Variants in SH3GL2 observed in about 807,000 individuals in gnomAD.
SH3GL2 encodes the protein endophilin-A1.
In SH3GL2, 24 loss-of-function variants were observed where a neutral mutation model predicts 46.0. The ratio of observed to expected loss-of-function variants is 0.52; its 90% CI spans 0.38 to 0.73. SH3GL2 has a LOEUF of 0.73. SH3GL2 is among the 30% of genes least tolerant of loss of function. SH3GL2 has a pLI of 0.00. For missense variants in SH3GL2, 413 were observed against 424.2 expected, an observed-to-expected ratio of 0.97 and a Z score of 0.23; for synonymous variants, 196 against 147.1, an observed-to-expected ratio of 1.33 and a Z score of -2.40.
At chr9:17,752,092 C>T (rs546354611) in intron 2 of SH3GL2, among the ~76,000 whole-genome samples, 6 of 152,156 alleles carry the variant, frequency 3.9e-5, no homozygotes, top group Non-Finnish European at 8.8e-5. Context: ...TTTTTTAACA[C>T]GTTGTTTGTC....
At chr9:17,733,143 C>T (rs926126211) in intron 1 of SH3GL2, among the ~76,000 whole-genome samples, 7 of 152,226 alleles carry the variant, frequency 4.6e-5, no homozygotes, top group African/African-American at 1.7e-4. Flanking sequence ...CCTCCTCTTT[C>T]CTACAACCCT....
intron 3 of SH3GL2, among the ~76,000 whole-genome samples, chr9:17,777,331 T>C (rs1043240421): frequency 5.3e-5 from 8 of 151,646 alleles, no homozygotes; most frequent in African/African-American, 1.9e-4. Context: ...AAATGAAAAT[T>C]ATGTAATAAT....
chr9:17,727,476 T>A (rs908756722), intron 1 of SH3GL2, among the ~76,000 whole-genome samples: 2 of 152,202 alleles, frequency 1.3e-5, no homozygotes, highest in African/African-American at 2.4e-5. Flanking sequence ...GCAGTACAGA[T>A]GATCTGTGTG....
At chr9:17,623,869 T>C (rs2134608051) in intron 1 of SH3GL2, among the ~76,000 whole-genome samples, 1 of 152,250 alleles carries the variant, frequency 6.6e-6, no homozygotes, top group African/African-American at 2.4e-5. Context: ...AGCACTATTA[T>C]CAACTTGAGT....
intron 1 of SH3GL2, among the ~76,000 whole-genome samples, chr9:17,667,016 G>C (rs947655652): frequency 6.6e-6 from 1 of 152,100 alleles, no homozygotes; most frequent in Admixed American, 6.6e-5. Context: ...AAGTTGAAGA[G>C]TTTTCATGTG....
chr9:17,624,838 C>A (rs1461406866), intron 1 of SH3GL2, among the ~76,000 whole-genome samples: 1 of 152,124 alleles, frequency 6.6e-6, no homozygotes, highest in East Asian at 1.9e-4. Context: ...CCATTTGCTT[C>A]TGTGCTGTGT....
intron 1 of SH3GL2, among the ~76,000 whole-genome samples, chr9:17,720,639 T>G (rs1821872967): frequency 6.6e-6 from 1 of 151,440 alleles, no homozygotes; most frequent in Admixed American, 6.6e-5. Flanking sequence ...AAGAAACCTT[T>G]AGGCTGAACC....
chr9:17,750,317 C>A, intron 2 of SH3GL2, among the ~76,000 whole-genome samples: 1 of 151,694 alleles, frequency 6.6e-6, no homozygotes, highest in South Asian at 2.1e-4. Flanking sequence ...CTCGGAGGTG[C>A]AATTAGATAA....
chr9:17,638,510 C>G (rs1412502331), intron 1 of SH3GL2, among the ~76,000 whole-genome samples: 1 of 152,154 alleles, frequency 6.6e-6, no homozygotes, highest in East Asian at 1.9e-4. Context: ...GAGGTGAAGA[C>G]TGGTTGGGAG....
intron 1 of SH3GL2, among the ~76,000 whole-genome samples, chr9:17,641,723 G>A (rs1045755377): frequency 2.0e-5 from 3 of 152,088 alleles, no homozygotes; most frequent in African/African-American, 7.2e-5. Flanking sequence ...AGTTTGCTGA[G>A]AATGATGGTT....
At chr9:17,717,369 T>C (rs1821788738) in intron 1 of SH3GL2, among the ~76,000 whole-genome samples, 1 of 152,140 alleles carries the variant, frequency 6.6e-6, no homozygotes, top group Non-Finnish European at 1.5e-5. Flanking sequence ...CATCCAAATT[T>C]GTCTAGCAAA....
intron 1 of SH3GL2, among the ~76,000 whole-genome samples, chr9:17,724,384 A>T (rs141857132): frequency 6.6e-6 from 1 of 152,280 alleles, no homozygotes; most frequent in East Asian, 1.9e-4. Context: ...CATTGTCATC[A>T]TGCCTTACTT....
intron 1 of SH3GL2, among the ~76,000 whole-genome samples, chr9:17,661,725 G>T (rs1385872982): frequency 6.6e-6 from 1 of 152,098 alleles, no homozygotes; most frequent in African/African-American, 2.4e-5. Flanking sequence ...TCAAAAGTTT[G>T]CAGGCTGCTG....
chr9:17,778,924 A>G (rs958116344), intron 3 of SH3GL2, among the ~76,000 whole-genome samples: 5 of 152,148 alleles, frequency 3.3e-5, no homozygotes, highest in African/African-American at 1.2e-4. Flanking sequence ...TGGGATGATG[A>G]TGGAAAATCT....
chr9:17,613,166 C>G (rs1258160344), intron 1 of SH3GL2, among the ~76,000 whole-genome samples: 2 of 152,186 alleles, frequency 1.3e-5, no homozygotes, highest in Admixed American at 6.5e-5. Flanking sequence ...CTTAGTGTGA[C>G]CATTGCTTTT....
intron 1 of SH3GL2, among the ~76,000 whole-genome samples, chr9:17,607,687 T>C (rs1468521782): frequency 6.6e-6 from 1 of 152,226 alleles, no homozygotes; most frequent in East Asian, 1.9e-4. Context: ...ATTTACATCA[T>C]ACTGTATGGT....
intron 1 of SH3GL2, among the ~76,000 whole-genome samples, chr9:17,634,384 C>G (rs969174559): frequency 6.6e-6 from 1 of 152,068 alleles, no homozygotes; most frequent in Admixed American, 6.5e-5. Context: ...AACTCCACAA[C>G]AGGTTTTGCT....
intron 3 of SH3GL2, among the ~76,000 whole-genome samples, chr9:17,767,424 T>C (rs541612652): frequency 3.3e-5 from 5 of 152,348 alleles, no homozygotes; most frequent in South Asian, 4.1e-4. Flanking sequence ...AATCATGTCC[T>C]TCCAAAGATG....
At chr9:17,775,958 A>G (rs1563849724) in intron 3 of SH3GL2, among the ~76,000 whole-genome samples, 2 of 152,222 alleles carry the variant, frequency 1.3e-5, no homozygotes, top group Non-Finnish European at 2.9e-5. Flanking sequence ...TCACAGTGAA[A>G]GAAGGAAGCC....
Sources: gnomAD v4.1 joint callset for allele counts (sites outside exome capture counted in the v4.1 genomes callset) on GRCh38, gnomAD v4.1.1 for gene constraint, MANE v1.5 for transcripts, NCBI Gene and HGNC (gene_info 2026-07-23, HGNC 2026-07-21) for gene names.